Variants in VIPAS39 observed in about 807,000 individuals in gnomAD.
The protein encoded by VIPAS39 is spermatogenesis-defective protein 39 homolog.
A neutral mutation model predicts 84.7 loss-of-function variants in VIPAS39; 63 were observed. The observed-to-expected ratio is 0.74, with a 90% CI of 0.61 to 0.92. VIPAS39 has a LOEUF of 0.92. Among genes scored for constraint, VIPAS39 ranks in the 40% least tolerant of loss-of-function variants. The probability of loss-of-function intolerance (pLI) is 0.00; values close to 1 mark genes in which losing one functional copy is unlikely to be tolerated. For missense variants in VIPAS39, 499 were observed against 604.5 expected (o/e 0.83, Z 1.83); for synonymous variants, 192 against 216.5 (o/e 0.89, Z 0.99).
intron 1 of VIPAS39, among the ~76,000 whole-genome samples, chr14:77,455,289 T>A (rs1178234566): frequency 6.6e-6 from 1 of 152,154 alleles, no homozygotes; most frequent in Non-Finnish European, 1.5e-5. Context: ...AAGACTAGCC[T>A]GGGCAACATT....
rs1488150613 is a variant in VIPAS39 at position 77,433,892 on chromosome 14, G to A, written c.1129C>T (p.Arg377Cys). 10 of 1,613,884 alleles carry A rather than the reference G, an allele frequency of 6.2e-6. No homozygotes were observed. Among genetic ancestry groups the A allele is most frequent in the Non-Finnish European group, 6.8e-6 (8 of 1,179,976 alleles). The change falls in exon 16 of 20, where the codon CGT becomes TGT. Residue 377 changes from arginine (R) to cysteine (C), a missense_variant. Physicochemically the swap from Arg to Cys is radical, Grantham distance 180. Coordinates refer to ENST00000557658, the MANE Select transcript of VIPAS39 (RefSeq NM_001193315.2). ...TCATTCCAGGCTCGAAGCTTGGCAC[G>A]AGCAGCCAGGGCTGTCAGCACATAC... Reference protein sequence around the residue: ...KQYVLTALAARAKLRAWNDVD... With the variant: ...KQYVLTALAACAKLRAWNDVD...
At chr14:77,433,667 T>G (rs567491139) in intron 16 of VIPAS39, among the ~76,000 whole-genome samples, 175 bp downstream of exon 16, 1 of 152,336 alleles carries the variant, frequency 6.6e-6, no homozygotes, top group East Asian at 1.9e-4. Context: ...ACTATTATAG[T>G]ATATATTTGA....
chr14:77,456,449 T>C (rs534395508), intron 1 of VIPAS39, among the ~76,000 whole-genome samples: 1 of 152,164 alleles, frequency 6.6e-6, no homozygotes, highest in Non-Finnish European at 1.5e-5. Flanking sequence ...CATAAATCAC[T>C]CTGTCATTCG....
chr14:77,428,317 T>G (rs2078462493), intron 19 of VIPAS39, 53 bp downstream of exon 19: 2 of 1,521,336 alleles, frequency 1.3e-6, no homozygotes, highest in South Asian at 2.3e-5. Context: ...GGTACTATTT[T>G]GTGAACTGTC....
At chr14:77,435,024 C>T (rs980375894) in intron 14 of VIPAS39, 6 of 571,650 alleles carry the variant, frequency 1.0e-5, no homozygotes, top group Non-Finnish European at 1.9e-5. Context: ...GCACCAGGGA[C>T]AGAACTTGCT....
In VIPAS39 at chr14:77,429,464, A is replaced by ACACAGCTCTC. The variant is rs376721563; in HGVS notation, c.1266+216_1266+217insGAGAGCTGTG. ...TATTCCACTTGGGCTAACACAGTAG[A>ACACAGCTCTC]TGCTACTCAGAGAGGACAGTTTGGA... On this transcript the variant is annotated intron_variant, in intron 17 of 19. Coordinates refer to ENST00000557658, the MANE Select transcript of VIPAS39 (RefSeq NM_001193315.2). 0.029 allele frequency among the ~76,000 whole-genome samples: 4,443 copies of ACACAGCTCTC among 152,288 alleles called. 214 individuals carry two copies. The highest frequency in any genetic ancestry group is 0.1 in the African/African-American group (4,204 of 41,526).
At chr14:77,457,382 AG>A in intron 1 of VIPAS39, 112 bp downstream of exon 1, 1 of 1,535,658 alleles carries the variant, frequency 6.5e-7, no homozygotes, top group Non-Finnish European at 8.7e-7. Flanking sequence ...GAAGAGAATC[AG>A]GCCTGTAGTC....
intron 6 of VIPAS39, 121 bp downstream of exon 6, chr14:77,449,171 TA>T: frequency 8.7e-7 from 1 of 1,152,566 alleles, no homozygotes; most frequent in Non-Finnish European, 1.3e-6. Flanking sequence ...CCCAGTTTTC[TA>T]ATCTATAAAA....
rs144172626 is a variant in VIPAS39, at chr14:77,432,358, T to C, written c.1179+1484A>G. Among the ~76,000 whole-genome samples the C allele has an allele frequency of 3.2e-3, 492 of 152,280 alleles. 3 individuals carry two copies. The highest frequency in any genetic ancestry group is 0.011 in the African/African-American group (471 of 41,554). On this transcript the variant is annotated intron_variant, in intron 16 of 19. Coordinates refer to ENST00000557658, the MANE Select transcript of VIPAS39 (RefSeq NM_001193315.2). ...AGTGCAGCCATCATGAAAAACAGTA[T>C]AGGCGTTCCTCAAAAATGTTTAAAC...
chr14:77,447,970 T>C (rs1197700414), intron 7 of VIPAS39, among the ~76,000 whole-genome samples: 1 of 150,632 alleles, frequency 6.6e-6, no homozygotes, highest in Admixed American at 6.6e-5. Context: ...CTTCTCTTTT[T>C]TTTTTTTGAG....
chr14:77,427,553 T>G lies in VIPAS39; in HGVS notation c.*63A>C. 6.2e-7 allele frequency: 1 copy of G among 1,606,306 alleles called. No individual in the cohort carries two copies. Among genetic ancestry groups the G allele is most frequent in the Non-Finnish European group, 8.5e-7 (1 of 1,173,010 alleles). On this transcript the variant is annotated 3_prime_UTR_variant, in exon 20 of 20. Coordinates refer to ENST00000557658, the MANE Select transcript of VIPAS39 (RefSeq NM_001193315.2). ...TGCCGCAGCTCTCCCAAAGAAGAGC[T>G]CTCTCTGCTTTCACAGGCAGGAGAG...
chr14:77,428,346 G>A, intron 19 of VIPAS39, 24 bp downstream of exon 19: 1 of 1,601,890 alleles, frequency 6.2e-7, no homozygotes, highest in Non-Finnish European at 8.6e-7. Flanking sequence ...GAGCCTGCTG[G>A]AGGGGTGAAC....
intron 6 of VIPAS39, among the ~76,000 whole-genome samples, 185 bp from the exon 7 acceptor site, chr14:77,448,735 G>C (rs2078836868): frequency 6.6e-6 from 1 of 152,156 alleles, no homozygotes; most frequent in African/African-American, 2.4e-5. Flanking sequence ...CTAGAGCAGG[G>C]GCAATATAGA....
chr14:77,435,218 T>C (rs1183395123), intron 14 of VIPAS39, 41 bp downstream of exon 14: 4 of 1,613,428 alleles, frequency 2.5e-6, no homozygotes, highest in Non-Finnish European at 3.4e-6. Context: ...CTTCTTTTTG[T>C]GCAATGAGAG....
At chr14:77,442,764 C>A in intron 9 of VIPAS39, 102 bp from the exon 10 acceptor site, 3 of 1,080,114 alleles carry the variant, frequency 2.8e-6, no homozygotes, top group Non-Finnish European at 2.8e-6. Flanking sequence ...TCTCATCAAA[C>A]CCTAACAAAA....
intron 7 of VIPAS39, among the ~76,000 whole-genome samples, chr14:77,446,058 T>TG (rs2078784327): frequency 6.7e-6 from 1 of 150,044 alleles, no homozygotes; most frequent in Non-Finnish European, 1.5e-5. Context: ...CAGTGGTTTC[T>TG]AAAAAAAAAA....
At chr14:77,435,629 G>A (rs2078598533) in intron 13 of VIPAS39, among the ~76,000 whole-genome samples, 1 of 152,146 alleles carries the variant, frequency 6.6e-6, no homozygotes, top group African/African-American at 2.4e-5. Context: ...GGAGATTCGG[G>A]ATGAAGAAGA....
intron 17 of VIPAS39, among the ~76,000 whole-genome samples, 179 bp downstream of exon 17, chr14:77,429,502 G>C (rs2078486061): frequency 6.6e-6 from 1 of 152,218 alleles, no homozygotes; most frequent in Admixed American, 6.5e-5. Context: ...TGTTTCTAAA[G>C]GGGAGAAAGG....
rs1566740278 is a variant in VIPAS39 at position 77,453,345 on chromosome 14, G to GTCATCATCA, written c.141_149dup (p.Asp51_Asp53dup). 1.2e-6 allele frequency: 2 copies of GTCATCATCA among 1,613,850 alleles called. No individual in the cohort carries two copies. The highest frequency in any genetic ancestry group is 2.2e-5 in the South Asian group (2 of 91,052). On this transcript the variant is annotated inframe_insertion, in exon 3 of 20. Transcript: ENST00000557658. The stretch of plus-strand genomic sequence containing the variant: ...AGCTGACTCGCTCCAGGTCATCATC[G>GTCATCATCA]TCATCATCATCCACGAAGTCTCGGA...
Sources: allele counts gnomAD v4.1 joint callset (sites outside exome capture counted in the v4.1 genomes callset), GRCh38; gene constraint gnomAD v4.1.1; transcripts MANE v1.5; gene names NCBI Gene and HGNC (gene_info 2026-07-23, HGNC 2026-07-21).